The following GRM8 variants were observed in gnomAD, a reference collection of about 807,000 sequenced individuals.
GRM8 encodes glutamate metabotropic receptor 8.
Under a neutral mutation model 87.2 loss-of-function variants are expected in GRM8, and 47 were observed. The ratio of observed to expected loss-of-function variants is 0.54; its 90% CI spans 0.43 to 0.69. GRM8 has a LOEUF of 0.69. Among genes scored for constraint, GRM8 ranks in the 30% least tolerant of loss-of-function variants. GRM8 has a pLI of 0.00. For missense variants in GRM8, 1,019 were observed against 1,139.2 expected (o/e 0.89, Z 1.52); for synonymous variants, 396 against 404.5 (o/e 0.98, Z 0.25).
intron 6 of GRM8, among the ~76,000 whole-genome samples, chr7:126,828,274 T>A (rs1384004069): frequency 2.0e-4 from 30 of 150,872 alleles, no homozygotes; most frequent in South Asian, 6.4e-4. Flanking sequence ...TTAGAATAGT[T>A]TCAGAAAGAA....
At chr7:126,948,053 T>C (rs1807733207) in intron 3 of GRM8, among the ~76,000 whole-genome samples, 1 of 152,146 alleles carries the variant, frequency 6.6e-6, no homozygotes. Context: ...CATGTAAGAT[T>C]TGTCGAACAC....
intron 9 of GRM8, among the ~76,000 whole-genome samples, chr7:126,526,806 G>A (rs1027231516): frequency 2.0e-5 from 3 of 152,172 alleles, no homozygotes; most frequent in Non-Finnish European, 4.4e-5. Context: ...GCCTGCATGT[G>A]CCCTACATGA....
At chr7:126,598,277 C>T (rs1797407875) in intron 8 of GRM8, among the ~76,000 whole-genome samples, 1 of 151,932 alleles carries the variant, frequency 6.6e-6, no homozygotes, top group South Asian at 2.1e-4. Flanking sequence ...TGACAAACAA[C>T]TAGACACCCT....
chr7:126,560,350 G>T (rs930266273), intron 8 of GRM8, among the ~76,000 whole-genome samples: 3 of 152,088 alleles, frequency 2.0e-5, no homozygotes, highest in Admixed American at 2.0e-4. Flanking sequence ...AAAGAATAGA[G>T]AAAATTATAT....
intron 5 of GRM8, among the ~76,000 whole-genome samples, chr7:126,903,626 T>A (rs10272019): frequency 0.057 from 6,045 of 105,582 alleles, 610 homozygotes; most frequent in African/African-American, 0.13. Flanking sequence ...CATATATATA[T>A]GTATATGTGT....
rs1409419796 is a variant in GRM8 at position 126,968,569 on chromosome 7, G to A, written c.728-63886C>T. On this transcript the variant is annotated intron_variant, in intron 3 of 10. Transcript: ENST00000339582. ...ACTCAACTTAGGAAGTCAGAACCACGGAATTAAACATTTGTATTTTGATAC... is the reference window on the plus strand; with the variant it reads ...ACTCAACTTAGGAAGTCAGAACCACAGAATTAAACATTTGTATTTTGATAC... Among the ~76,000 whole-genome samples the A allele has an allele frequency of 4.6e-5, 7 of 152,008 alleles. No homozygotes were observed. In the East Asian group the frequency reaches 9.6e-4, roughly 21 times the overall value.
At chr7:127,143,791 T>C (rs1828404820) in intron 2 of GRM8, among the ~76,000 whole-genome samples, 1 of 152,160 alleles carries the variant, frequency 6.6e-6, no homozygotes, top group Admixed American at 6.6e-5. Flanking sequence ...TTCCCCTTGT[T>C]TGCTTTTAAT....
chr7:126,951,283 G>GA (rs1808124527), intron 3 of GRM8, among the ~76,000 whole-genome samples: 1 of 152,030 alleles, frequency 6.6e-6, no homozygotes, highest in Non-Finnish European at 1.5e-5. Flanking sequence ...ATCTACAGAG[G>GA]GCAGGTGTCA....
chr7:126,934,007 G>A (rs1446276416), intron 3 of GRM8, among the ~76,000 whole-genome samples: 1 of 152,026 alleles, frequency 6.6e-6, no homozygotes, highest in Non-Finnish European at 1.5e-5. Flanking sequence ...AGTTGCTAGG[G>A]GTAAGACATT....
intron 8 of GRM8, among the ~76,000 whole-genome samples, chr7:126,545,835 C>T (rs1817092479): frequency 1.3e-5 from 2 of 152,112 alleles, no homozygotes; most frequent in Admixed American, 6.6e-5. Flanking sequence ...TAATTATGTA[C>T]ATTTCTTTTT....
chr7:126,637,985 C>T (rs148764662), intron 7 of GRM8, among the ~76,000 whole-genome samples: 35 of 151,608 alleles, frequency 2.3e-4, no homozygotes, highest in Non-Finnish European at 4.1e-4. Context: ...TATTAATTTC[C>T]CATTCCTCCT....
At chr7:126,917,940 A>G (rs13310828) in intron 3 of GRM8, among the ~76,000 whole-genome samples, 2 of 152,222 alleles carry the variant, frequency 1.3e-5, no homozygotes, top group East Asian at 1.9e-4. Context: ...GTCATCACTC[A>G]TGGAGCATTA....
chr7:127,200,709 T>C (rs1469285624), intron 2 of GRM8, among the ~76,000 whole-genome samples: 1 of 152,242 alleles, frequency 6.6e-6, no homozygotes, highest in East Asian at 1.9e-4. Context: ...CATCTTCACA[T>C]GGCTTTCGCC....
chr7:126,444,763 T>C (rs1308109539), intron 10 of GRM8, among the ~76,000 whole-genome samples: 2 of 152,078 alleles, frequency 1.3e-5, no homozygotes, highest in Non-Finnish European at 2.9e-5. Context: ...TAGTTTTTTC[T>C]TATATTTAGT....
chr7:127,113,859 C>T (rs1412519090), intron 2 of GRM8, among the ~76,000 whole-genome samples: 1 of 152,266 alleles, frequency 6.6e-6, no homozygotes, highest in East Asian at 1.9e-4. Flanking sequence ...TGTGGCAAAA[C>T]ATCAGTATAT....
chr7:126,626,525 A>AT (rs914691978), intron 7 of GRM8, among the ~76,000 whole-genome samples: 2 of 152,048 alleles, frequency 1.3e-5, no homozygotes, highest in Non-Finnish European at 2.9e-5. Flanking sequence ...CAATGCTTCT[A>AT]TTTTATATCT....
At chr7:126,653,202 C>T (rs66731753) in intron 7 of GRM8, among the ~76,000 whole-genome samples, 46,370 of 150,698 alleles carry the variant, frequency 0.31, 7,964 homozygotes, top group East Asian at 0.43. Context: ...ATTAGGGAGG[C>T]TGAGGTGGAG....
Position 126,439,917 on chromosome 7 carries a change from T to C in GRM8, c.2678-749A>G, listed in dbSNP as rs1460599299. On this transcript the variant is annotated intron_variant, in intron 10 of 10. Coordinates refer to ENST00000339582, the MANE Select transcript of GRM8 (RefSeq NM_000845.3). ...ATGAATAAATAAAAATAGAAAAAAG[T>C]CTATCCTTGAGTAAGGGTATAAAGA... 3.3e-5 allele frequency among the ~76,000 whole-genome samples: 5 copies of C among 151,756 alleles called. No homozygotes were observed. In the South Asian group the frequency reaches 6.2e-4, roughly 19 times the overall value.
chr7:126,876,253 A>T (rs1799516950), intron 6 of GRM8, among the ~76,000 whole-genome samples: 1 of 152,174 alleles, frequency 6.6e-6, no homozygotes, highest in Non-Finnish European at 1.5e-5. Flanking sequence ...TAGTATCTGA[A>T]TGTCTGCAAT....
Sources: gnomAD v4.1 joint callset for allele counts (sites outside exome capture counted in the v4.1 genomes callset) on GRCh38, gnomAD v4.1.1 for gene constraint, MANE v1.5 for transcripts, NCBI Gene and HGNC (gene_info 2026-07-23, HGNC 2026-07-21) for gene names.